The following SAMD12 variants were observed in gnomAD, a reference collection of about 807,000 sequenced individuals.
SAMD12 encodes the protein sterile alpha motif domain-containing protein 12.
In SAMD12, 9 loss-of-function variants were observed where a neutral mutation model predicts 15.0. That is an observed-to-expected ratio of 0.60 (90% CI 0.36 to 1.05). SAMD12 has a LOEUF of 1.05. Ranked by LOEUF, SAMD12 falls within the 50% of genes least tolerant of loss-of-function variation. The pLI is 0.01. For synonymous variants in SAMD12, 86 were observed against 90.1 expected (o/e 0.96, Z 0.25); for missense variants, 230 against 234.2 (o/e 0.98, Z 0.12).
chr8:118,264,664 T>C (rs1813157468), intron 4 of SAMD12, among the ~76,000 whole-genome samples: 1 of 152,120 alleles, frequency 6.6e-6, no homozygotes, highest in Admixed American at 6.6e-5. Flanking sequence ...GGCATCTGCA[T>C]TGTCTTACAC....
chr8:118,396,330 C>T (rs1820563750), intron 3 of SAMD12, among the ~76,000 whole-genome samples: 1 of 152,052 alleles, frequency 6.6e-6, no homozygotes, highest in African/African-American at 2.4e-5. Flanking sequence ...TGGTATAATA[C>T]CTGACTCAAT....
At chr8:118,265,696 A>T (rs1813180004) in intron 4 of SAMD12, among the ~76,000 whole-genome samples, 1 of 151,940 alleles carries the variant, frequency 6.6e-6, no homozygotes, top group South Asian at 2.1e-4. Flanking sequence ...AATAGGGATC[A>T]GACTTATAAT....
chr8:118,436,690 A>AT (rs1458338538), intron 3 of SAMD12, among the ~76,000 whole-genome samples: 1 of 152,164 alleles, frequency 6.6e-6, no homozygotes, highest in Non-Finnish European at 1.5e-5. Flanking sequence ...AGCACAGGAT[A>AT]TTTACCAGCC....
chr8:118,499,009 T>C (rs575566912), intron 2 of SAMD12, among the ~76,000 whole-genome samples: 4 of 152,322 alleles, frequency 2.6e-5, no homozygotes, highest in Middle Eastern at 3.4e-3. Context: ...ATGGAGGCTA[T>C]TATCTGTCAG....
intron 3 of SAMD12, among the ~76,000 whole-genome samples, chr8:118,397,185 C>G (rs751154943): frequency 4.6e-5 from 7 of 152,058 alleles, no homozygotes; most frequent in Non-Finnish European, 1.0e-4. Flanking sequence ...AGCTTGGGAG[C>G]CACCATCATT....
At chr8:118,312,415 A>G (rs964049987) in intron 4 of SAMD12, among the ~76,000 whole-genome samples, 1 of 152,188 alleles carries the variant, frequency 6.6e-6, no homozygotes, top group African/African-American at 2.4e-5. Context: ...CATGCCTCTG[A>G]TCTTCACATC....
chr8:118,469,816 G>C (rs905404928), intron 2 of SAMD12, among the ~76,000 whole-genome samples: 2 of 151,418 alleles, frequency 1.3e-5, no homozygotes, highest in African/African-American at 4.9e-5. Context: ...ATCTGCCTCA[G>C]CCTCCCAAAG....
the SAMD12 span, among the ~76,000 whole-genome samples, chr8:118,143,987 G>C: frequency 6.6e-6 from 1 of 152,078 alleles, no homozygotes; most frequent in Non-Finnish European, 1.5e-5. Context: ...AGGTGTTGGC[G>C]GGGCTGTGTT....
chr8:118,176,157 T>C, the SAMD12 span, among the ~76,000 whole-genome samples: 4 of 152,042 alleles, frequency 2.6e-5, no homozygotes, highest in East Asian at 7.7e-4. Context: ...AAATATCAGC[T>C]GGGCATGGTG....
At chr8:118,521,553 A>G (rs758593004) in intron 2 of SAMD12, among the ~76,000 whole-genome samples, 4 of 152,156 alleles carry the variant, frequency 2.6e-5, no homozygotes, top group Admixed American at 6.5e-5. Flanking sequence ...ATATTTGACA[A>G]TGTCATTGTT....
chr8:118,595,633 C>T (rs1296331574), intron 1 of SAMD12, among the ~76,000 whole-genome samples: 2 of 152,240 alleles, frequency 1.3e-5, no homozygotes, highest in East Asian at 1.9e-4. Context: ...GACAGCAGCA[C>T]TCTAAGTTCA....
At chr8:118,466,791 A>G (rs1177929407) in intron 2 of SAMD12, among the ~76,000 whole-genome samples, 1 of 88,186 alleles carries the variant, frequency 1.1e-5, no homozygotes, top group Non-Finnish European at 2.3e-5. Flanking sequence ...TAGCAGTAAT[A>G]GGGAGAGAGA....
Position 118,562,949 on chromosome 8 carries a change from A to G in SAMD12, c.192+17766T>C, listed in dbSNP as rs550400856. Among the ~76,000 whole-genome samples the G allele has an allele frequency of 2.6e-5, 4 of 152,346 alleles. No homozygotes were observed. The East Asian group carries it at 5.8e-4, about 22-fold the overall frequency. On this transcript the variant is annotated intron_variant, in intron 2 of 3. Coordinates refer to ENST00000314727, the MANE Select transcript of SAMD12 (RefSeq NM_207506.3). ...TGCCAAGGAGGGGAATGATAGAAAC[A>G]TAAGAAAAAGGCTGCTGACAGTCTT... is the stretch of plus-strand genomic sequence containing the variant.
At chr8:118,132,732 C>A in the SAMD12 span, among the ~76,000 whole-genome samples, 1 of 151,976 alleles carries the variant, frequency 6.6e-6, no homozygotes, top group Non-Finnish European at 1.5e-5. Context: ...ACTCTGAATT[C>A]TCCAGAGCCT....
At position 118,580,624 on chromosome 8, in the gene SAMD12, G is replaced by A. The variant is rs907554368; in HGVS notation, c.192+91C>T. On this transcript the variant is annotated intron_variant, in intron 2 of 3. Transcript: ENST00000314727. Reference sequence around the variant, plus strand: ...GACCACAGATACAATGGTAATTAGTGAAAGCACTATCAGCTCTTCTCTGTA... The same window carrying A: ...GACCACAGATACAATGGTAATTAGTAAAAGCACTATCAGCTCTTCTCTGTA... The A allele has an allele frequency of 1.6e-5, 14 of 850,674 alleles. No homozygotes were observed. The East Asian group carries it at 2.7e-4, about 16-fold the overall frequency. 52.7% of individuals were successfully genotyped at this position (850,674 alleles called of 1,614,324 possible).
intron 4 of SAMD12, among the ~76,000 whole-genome samples, chr8:118,309,588 G>C (rs1586491862): frequency 6.6e-6 from 1 of 152,062 alleles, no homozygotes; most frequent in African/African-American, 2.4e-5. Flanking sequence ...TCAAATGGTA[G>C]ATCTGCTTTT....
At position 118,561,415 on chromosome 8, in the gene SAMD12, A is replaced by G. The variant is rs1487467576; in HGVS notation, c.192+19300T>C. On this transcript the variant is annotated intron_variant, in intron 2 of 3. Coordinates refer to ENST00000314727, the MANE Select transcript of SAMD12 (RefSeq NM_207506.3). ...ATTTTCTTTATATTTGTCCATTCTC[A>G]TATTCTCATGCAATAATAAAGACAT... Among the ~76,000 whole-genome samples, 4 of 152,196 alleles carry G rather than the reference A, an allele frequency of 2.6e-5. No homozygotes were observed. In the East Asian group the frequency reaches 7.7e-4, roughly 29 times the overall value.
intron 2 of SAMD12, among the ~76,000 whole-genome samples, chr8:118,556,681 G>A (rs1286953674): frequency 2.0e-5 from 3 of 152,060 alleles, no homozygotes; most frequent in Non-Finnish European, 4.4e-5. Flanking sequence ...AATAGACATG[G>A]GGGCTGGGTG....
At chr8:118,449,004 C>T (rs1822997611) in intron 2 of SAMD12, among the ~76,000 whole-genome samples, 1 of 151,882 alleles carries the variant, frequency 6.6e-6, no homozygotes, top group Non-Finnish European at 1.5e-5. Context: ...TCCTCTTCTG[C>T]TGGATTCTCA....
Sources: gnomAD v4.1 joint callset for allele counts (sites outside exome capture counted in the v4.1 genomes callset) on GRCh38, gnomAD v4.1.1 for gene constraint, MANE v1.5 for transcripts, NCBI Gene and HGNC (gene_info 2026-07-23, HGNC 2026-07-21) for gene names.